The following CCSER2 variants were observed in gnomAD, a reference collection of about 807,000 sequenced individuals.
CCSER2 encodes the protein coiled-coil serine rich protein 2, also known as serine-rich coiled-coil domain-containing protein 2.
A neutral mutation model predicts 92.3 loss-of-function variants in CCSER2; 46 were observed. The ratio of observed to expected loss-of-function variants is 0.50; its 90% CI spans 0.39 to 0.64. The LOEUF (loss-of-function observed/expected upper bound fraction) is 0.64. CCSER2 is among the 30% of genes least tolerant of loss of function. The pLI is 0.00. For missense variants in CCSER2, 1,244 were observed against 1,238.9 expected, an observed-to-expected ratio of 1.00 and a Z score of -0.06; for synonymous variants, 433 against 431.4, an observed-to-expected ratio of 1.00 and a Z score of -0.04.
intron 4 of CCSER2, among the ~76,000 whole-genome samples, chr10:84,419,428 G>A (rs1022373860): frequency 8.6e-5 from 13 of 151,904 alleles, no homozygotes; most frequent in Admixed American, 5.2e-4. Flanking sequence ...TTCATTCACA[G>A]AGGACACTTA....
chr10:84,448,847 T>G (rs1201319870), intron 6 of CCSER2, among the ~76,000 whole-genome samples: 1 of 152,252 alleles, frequency 6.6e-6, no homozygotes, highest in Non-Finnish European at 1.5e-5. Flanking sequence ...TCTTTTTGTT[T>G]CTGAATTTTT....
chr10:84,496,830 T>C (rs866096555), intron 9 of CCSER2, among the ~76,000 whole-genome samples: 2 of 152,170 alleles, frequency 1.3e-5, no homozygotes, highest in African/African-American at 4.8e-5. Flanking sequence ...ATATTTTTCC[T>C]TGGGTCCCAA....
At chr10:84,509,089 G>A (rs1376541444) in intron 9 of CCSER2, among the ~76,000 whole-genome samples, 1 of 152,184 alleles carries the variant, frequency 6.6e-6, no homozygotes, top group Non-Finnish European at 1.5e-5. Context: ...CATGCAGTCA[G>A]TATTTCCTGC....
intron 9 of CCSER2, among the ~76,000 whole-genome samples, chr10:84,503,936 G>A (rs924238795): frequency 6.6e-6 from 1 of 152,122 alleles, no homozygotes; most frequent in African/African-American, 2.4e-5. Flanking sequence ...TTCAGGGGGT[G>A]TTTCACAAAC....
At chr10:84,511,817 G>A (rs1296613559) in intron 9 of CCSER2, among the ~76,000 whole-genome samples, 1 of 152,086 alleles carries the variant, frequency 6.6e-6, no homozygotes, top group African/African-American at 2.4e-5. Flanking sequence ...TAATTATGTG[G>A]TGATTTTAGT....
At chr10:84,399,519 G>A (rs1207317288) in intron 3 of CCSER2, among the ~76,000 whole-genome samples, 1 of 152,136 alleles carries the variant, frequency 6.6e-6, no homozygotes, top group Non-Finnish European at 1.5e-5. Flanking sequence ...ATGAGTGTTA[G>A]TCTGGATTTA....
At chr10:84,374,029 T>G in intron 3 of CCSER2, 1 of 1,060,612 alleles carries the variant, frequency 9.4e-7, no homozygotes, top group Non-Finnish European at 1.3e-6. Context: ...CTCAACATGT[T>G]TACATATATA....
intron 3 of CCSER2, among the ~76,000 whole-genome samples, chr10:84,382,748 C>T (rs1026929585): frequency 2.0e-5 from 3 of 152,190 alleles, no homozygotes; most frequent in Non-Finnish European, 4.4e-5. Context: ...CAGATCATCA[C>T]TGAAAGTATC....
At chr10:84,452,656 C>T (rs377114149) in intron 6 of CCSER2, among the ~76,000 whole-genome samples, 27 of 152,170 alleles carry the variant, frequency 1.8e-4, no homozygotes, top group Middle Eastern at 3.4e-3. Context: ...ACTATTTTTG[C>T]TCCTGTGCAT....
intron 1 of CCSER2, among the ~76,000 whole-genome samples, chr10:84,362,269 C>T (rs532094242): frequency 6.6e-6 from 1 of 152,226 alleles, no homozygotes; most frequent in South Asian, 2.1e-4. Context: ...TTGATTTGAC[C>T]TGGTGTTTGT....
chr10:84,504,562 A>G (rs1479844273), intron 9 of CCSER2, among the ~76,000 whole-genome samples: 1 of 152,174 alleles, frequency 6.6e-6, no homozygotes, highest in East Asian at 1.9e-4. Flanking sequence ...TGGCTGGAGA[A>G]TTGTTCTCTT....
intron 1 of CCSER2, among the ~76,000 whole-genome samples, chr10:84,349,228 A>G (rs1306163583): frequency 6.6e-6 from 1 of 152,212 alleles, no homozygotes; most frequent in Non-Finnish European, 1.5e-5. Context: ...CATGCCTCCC[A>G]CAAACCTTCC....
chr10:84,494,681 T>C (rs535716890), intron 9 of CCSER2, among the ~76,000 whole-genome samples: 2 of 152,276 alleles, frequency 1.3e-5, no homozygotes, highest in South Asian at 4.1e-4. Flanking sequence ...TCCTAACTTG[T>C]AGGGTCTCTT....
At chr10:84,502,216 A>T (rs568699944) in intron 9 of CCSER2, among the ~76,000 whole-genome samples, 181 of 152,056 alleles carry the variant, frequency 1.2e-3, no homozygotes, top group African/African-American at 4.2e-3. Flanking sequence ...TTCTTTTCCT[A>T]TACTAAACTT....
chr10:84,412,477 C>T (rs1241046901), intron 3 of CCSER2, among the ~76,000 whole-genome samples: 7 of 151,466 alleles, frequency 4.6e-5, no homozygotes, highest in Non-Finnish European at 7.4e-5. Flanking sequence ...TTTTAGAGCT[C>T]GTTATTGGTC....
intron 9 of CCSER2, among the ~76,000 whole-genome samples, chr10:84,494,728 C>G (rs955501900): frequency 6.6e-6 from 1 of 152,096 alleles, no homozygotes; most frequent in Non-Finnish European, 1.5e-5. Flanking sequence ...CATAAAGCAG[C>G]TATGTGGTGA....
chr10:84,475,625 T>C (rs1479239829), intron 8 of CCSER2, among the ~76,000 whole-genome samples: 1 of 152,140 alleles, frequency 6.6e-6, no homozygotes, highest in Non-Finnish European at 1.5e-5. Flanking sequence ...TTTAGTAATA[T>C]TATGAGTTTA....
intron 1 of CCSER2, among the ~76,000 whole-genome samples, chr10:84,358,661 C>CATATATATATATGTATATAT (rs1180094564): frequency 2.1e-4 from 31 of 146,128 alleles, no homozygotes; most frequent in Admixed American, 1.0e-3. Flanking sequence ...TATATATATA[C>CATATATATATATGTATATAT]ATATACATAT....
chr10:84,446,704 C>A (rs545763664), intron 6 of CCSER2, among the ~76,000 whole-genome samples: 3 of 152,306 alleles, frequency 2.0e-5, no homozygotes, highest in East Asian at 1.9e-4. Context: ...AGAAATAAGA[C>A]ATTAATAAGC....
Sources: gnomAD v4.1 joint callset for allele counts (sites outside exome capture counted in the v4.1 genomes callset) on GRCh38, gnomAD v4.1.1 for gene constraint, MANE v1.5 for transcripts, NCBI Gene and HGNC (gene_info 2026-07-23, HGNC 2026-07-21) for gene names.